The following SZT2 variants were observed in gnomAD, a reference collection of about 807,000 sequenced individuals.
The protein encoded by SZT2 is SZT2 subunit of KICSTOR complex.
SZT2 carries 216 observed loss-of-function variants against 404.2 expected under a neutral mutation model. The ratio of observed to expected loss-of-function variants is 0.53; its 90% confidence interval spans 0.48 to 0.60. The LOEUF (loss-of-function observed/expected upper bound fraction) is 0.60, where lower values mean the gene tolerates loss of function less well. SZT2 is among the 20% of genes least tolerant of loss of function. SZT2 has a pLI of 0.00. For synonymous variants in SZT2, 1,693 were observed against 1,749.9 expected (o/e 0.97, Z 0.81); for missense variants, 3,857 against 4,459.2 (o/e 0.86, Z 3.85).
Position 43,420,805 on chromosome 1 carries a change from G to C in SZT2, c.1318G>C (p.Glu440Gln). 6.3e-7 allele frequency: 1 copy of C among 1,598,480 alleles called. No homozygotes were observed. The highest frequency in any genetic ancestry group is 8.5e-7 in the Non-Finnish European group (1 of 1,179,816). ...GCTGTGGAAACACAACATGCGCATT[G>C]AGTATGTGGCTATGGCACCCTGGCC... ...VLLWKHNMRI[E>Q]YVAMAPWPLE... Residue 440 changes from glutamate to glutamine, a missense_variant, in exon 10 of 72, where the codon GAG (glutamate) becomes CAG (glutamine). Around this residue, in one of 7 missense-constraint regions of SZT2, gnomAD observed 536 missense variants for 637.4 expected, o/e 0.84. Transcript: ENST00000634258. This position sits in a 1 kb window ranked among gnomAD's most constrained non-coding sequence, Gnocchi z 5.1.
chr1:43,434,443 C>A lies in SZT2; in HGVS notation c.5862C>A (p.Leu1954=), dbSNP rs1654252055. ...CTGAGTGTCGCCACCTGCAGCAGCT[C>A]CTGGTGAGGCGAGTTGGGGAGATCT... is the stretch of plus-strand genomic sequence containing the variant. ...PGTECRHLQQ[L]LVRRVGEICR... Residue 1954 remains leucine, a synonymous_variant, in exon 41 of 72, where the codon CTC becomes CTA. Transcript: ENST00000634258. 6.9e-6 allele frequency: 11 copies of A among 1,598,942 alleles called. No homozygotes were observed. Among genetic ancestry groups the A allele is most frequent in the Non-Finnish European group, 9.4e-6 (11 of 1,174,346 alleles).
chr1:43,425,979 G>T lies in SZT2; in HGVS notation c.2929+30G>T, dbSNP rs772374468. Reference sequence around the variant, plus strand: ...GTGGGGCAGGCGGCCCACTGGTGGAGCAGGGGAGTGGGTAGGGTAATCTGC... The same window carrying T: ...GTGGGGCAGGCGGCCCACTGGTGGATCAGGGGAGTGGGTAGGGTAATCTGC... On this transcript the variant is annotated intron_variant, in intron 20 of 71. Transcript: ENST00000634258. This position sits in a 1 kb window ranked among gnomAD's most constrained non-coding sequence, Gnocchi z 4.3. 1.2e-5 allele frequency: 20 copies of T among 1,612,318 alleles called. No homozygotes were observed. Among genetic ancestry groups the T allele is most frequent in the South Asian group, 3.3e-5 (3 of 91,056 alleles).
intron 66 of SZT2, 46 bp from the exon 67 acceptor site, chr1:43,447,499 C>T (rs191667327): frequency 1.3e-6 from 2 of 1,592,254 alleles, no homozygotes; most frequent in East Asian, 2.2e-5. Context: ...ACCAGTGTGT[C>T]TGTCCTAGGC....
intron 4 of SZT2, chr1:43,409,543 T>TA (rs1557522192): frequency 2.0e-5 from 7 of 353,616 alleles, no homozygotes; most frequent in Non-Finnish European, 3.9e-5. Flanking sequence ...CAAAAAACTA[T>TA]TAGAACTGAT....
intron 14 of SZT2, 46 bp from the exon 15 acceptor site, chr1:43,423,053 C>G: frequency 1.3e-6 from 2 of 1,541,042 alleles, no homozygotes; most frequent in Non-Finnish European, 1.7e-6. Flanking sequence ...TCTCCCAGAC[C>G]TGTAGGAGAT....
Position 43,453,772 on chromosome 1 carries a change from C to T in SZT2, c.*3292C>T, listed in dbSNP as rs866699285. On this transcript the variant is annotated 3_prime_UTR_variant, in exon 72 of 72. Coordinates refer to ENST00000634258, the MANE Select transcript of SZT2 (RefSeq NM_001365999.1). ...TCGGGGAATAGCCAGGACAGATTGG[C>T]GGAGAAGCGCAGCGGCGCCATGCCT... The T allele has an allele frequency of 2.3e-6, 3 of 1,292,634 alleles. No individual in the cohort carries two copies. The highest frequency in any genetic ancestry group is 1.5e-5 in the African/African-American group (1 of 64,786). 80.1% of individuals were successfully genotyped at this position (1,292,634 alleles called of 1,614,324 possible).
chr1:43,404,738 G>T, intron 4 of SZT2, 188 bp downstream of exon 4: 1 of 562,446 alleles, frequency 1.8e-6, no homozygotes, highest in Non-Finnish European at 3.0e-6. Context: ...TGGACTTAAA[G>T]GGCTTTCCTA....
At chr1:43,402,600 C>T (rs1649810716) in intron 1 of SZT2, among the ~76,000 whole-genome samples, 1 of 152,134 alleles carries the variant, frequency 6.6e-6, no homozygotes. Context: ...CTTGTTAGAG[C>T]ATTGTTGAAG....
Position 43,447,646 on chromosome 1 carries a change from C to G in SZT2, c.9388C>G (p.Arg3130Gly). 6.2e-7 allele frequency: 1 copy of G among 1,614,200 alleles called. No homozygotes were observed. Among genetic ancestry groups the G allele is most frequent in the South Asian group, 1.1e-5 (1 of 91,082 alleles). Residue 3130 changes from arginine (R) to glycine (G), a missense_variant, in exon 67 of 72, where the codon CGG becomes GGG. Around this residue, in one of 7 missense-constraint regions of SZT2, gnomAD observed 717 missense variants for 868.2 expected, o/e 0.83. Coordinates refer to ENST00000634258, the MANE Select transcript of SZT2 (RefSeq NM_001365999.1). The stretch of plus-strand genomic sequence containing the variant: ...CCACATGAAGCCATTGCGAATGGCC[C>G]GGCCAGGGGGCCCAGAACACAACGA... ...SYHMKPLRMA[R>G]PGGPEHNEYA...
In SZT2 at chr1:43,426,495, T is replaced by C. The variant is rs1405079326; in HGVS notation, c.3171T>C (p.Ala1057=). 1 of 1,595,978 alleles carries C rather than the reference T, an allele frequency of 6.3e-7. No individual in the cohort carries two copies. The highest frequency in any genetic ancestry group is 1.7e-5 in the Admixed American group (1 of 59,740). The part of the protein sequence containing the change: ...REIPLTPVDQ[A]AFLSEVLRRT... ...TCCCACTGACCCCCGTTGACCAGGC[T>C]GCCTTCTTGAGTGAGGTGCTGCGGC... The change falls in exon 22 of 72, where the codon GCT becomes GCC. Residue 1057 remains alanine (A), a synonymous_variant. Coordinates refer to ENST00000634258, the MANE Select transcript of SZT2 (RefSeq NM_001365999.1). This position sits in a 1 kb window ranked among gnomAD's most constrained non-coding sequence, Gnocchi z 4.9.
In SZT2 at chr1:43,448,754, A is replaced by G; in HGVS notation, c.10086+26A>G. 2 of 1,595,582 alleles carry G rather than the reference A, an allele frequency of 1.3e-6. No individual in the cohort carries two copies. The highest frequency in any genetic ancestry group is 1.7e-6 in the Non-Finnish European group (2 of 1,163,334). On this transcript the variant is annotated intron_variant, in intron 70 of 71. Coordinates refer to ENST00000634258, the MANE Select transcript of SZT2 (RefSeq NM_001365999.1). The surrounding 1 kb of genome is among the most constrained non-coding windows in gnomAD (Gnocchi z 4.2). ...GTAAGTCCCCTTGAGCTTCCTCTGAAAAGGGAAACACAGCAGAAATCCTCA... is the reference window on the plus strand; with the variant it reads ...GTAAGTCCCCTTGAGCTTCCTCTGAGAAGGGAAACACAGCAGAAATCCTCA...
rs1656227484 is a variant in SZT2, at chr1:43,450,232, C to T, written c.10155+61C>T. 1.9e-6 allele frequency: 3 copies of T among 1,613,462 alleles called. No homozygotes were observed. The highest frequency in any genetic ancestry group is 1.7e-5 in the Admixed American group (1 of 60,018). On this transcript the variant is annotated intron_variant, in intron 71 of 71. Coordinates refer to ENST00000634258, the MANE Select transcript of SZT2 (RefSeq NM_001365999.1). The surrounding 1 kb of genome is among the most constrained non-coding windows in gnomAD (Gnocchi z 4.3). ...GGGAGGCCGTACCCCAAATGCTCCACCTCGGAGCCTGCTGAGGTTGGGGTG... is the reference window on the plus strand; with the variant it reads ...GGGAGGCCGTACCCCAAATGCTCCATCTCGGAGCCTGCTGAGGTTGGGGTG...
At position 43,450,190 on chromosome 1, in the gene SZT2, C is replaced by T. The variant is rs1342602488; in HGVS notation, c.10155+19C>T. ...AAAGACGGTAAGAACGAGTGGGGGG[C>T]TTTGTGTCAGCCTCATGGGAGGCCG... On this transcript the variant is annotated intron_variant, in intron 71 of 71. Transcript: ENST00000634258. The surrounding 1 kb of genome is among the most constrained non-coding windows in gnomAD (Gnocchi z 4.3). 3.1e-6 allele frequency: 5 copies of T among 1,613,986 alleles called. No individual in the cohort carries two copies. The highest frequency in any genetic ancestry group is 4.2e-6 in the Non-Finnish European group (5 of 1,179,968).
At position 43,450,512 on chromosome 1, in the gene SZT2, TC is replaced by T. The variant is rs754227872; in HGVS notation, c.*34del. On this transcript the variant is annotated 3_prime_UTR_variant, in exon 72 of 72. Coordinates refer to ENST00000634258, the MANE Select transcript of SZT2 (RefSeq NM_001365999.1). This position sits in a 1 kb window ranked among gnomAD's most constrained non-coding sequence, Gnocchi z 4.3. Reference sequence around the variant, plus strand: ...GGACTGGACCACTGAATGTCACTGTTCCTTGAATCATGGGCCTACCAGATTG... The same window carrying T: ...GGACTGGACCACTGAATGTCACTGTTCTTGAATCATGGGCCTACCAGATTG... 11 of 1,612,666 alleles carry T rather than the reference TC, an allele frequency of 6.8e-6. No individual in the cohort carries two copies. The highest frequency in any genetic ancestry group is 3.3e-5 in the Admixed American group (2 of 59,952).
At chr1:43,429,615 C>T (rs1233874124) in intron 28 of SZT2, 88 bp from the exon 29 acceptor site, 16 of 1,550,520 alleles carry the variant, frequency 1.0e-5, no homozygotes, top group Middle Eastern at 1.7e-4. Flanking sequence ...GACAAAAAGG[C>T]TTCCTGTGCT....
chr1:43,453,492 G>A lies in SZT2; in HGVS notation c.*3012G>A, dbSNP rs369407159. The A allele has an allele frequency of 6.4e-7, 1 of 1,553,824 alleles. No individual in the cohort carries two copies. Among genetic ancestry groups the A allele is most frequent in the South Asian group, 1.2e-5 (1 of 84,142 alleles). ...CCCAGCCCCATTTCCCCCTTCTCTT[G>A]GTCTCCTGCAGAGAGAACGGGCCTC... On this transcript the variant is annotated 3_prime_UTR_variant, in exon 72 of 72. Coordinates refer to ENST00000634258, the MANE Select transcript of SZT2 (RefSeq NM_001365999.1).
At chr1:43,407,661 C>T (rs1650478892) in intron 4 of SZT2, among the ~76,000 whole-genome samples, 1 of 151,440 alleles carries the variant, frequency 6.6e-6, no homozygotes, top group Admixed American at 6.6e-5. Flanking sequence ...GAACCTGTCT[C>T]AAAAGAAAAA....
chr1:43,414,790 T>C (rs186610639), intron 4 of SZT2, among the ~76,000 whole-genome samples: 1 of 152,316 alleles, frequency 6.6e-6, no homozygotes, highest in Admixed American at 6.5e-5. Flanking sequence ...AAGCTATTAA[T>C]AGAAGATCTT....
Position 43,415,977 on chromosome 1 carries a change from A to C in SZT2, c.648A>C (p.Pro216=). The C allele has an allele frequency of 6.3e-7, 1 of 1,597,742 alleles. No individual in the cohort carries two copies. Among genetic ancestry groups the C allele is most frequent in the East Asian group, 2.2e-5 (1 of 44,866 alleles). Residue 216 remains proline (P), a synonymous_variant, in exon 6 of 72, where the codon CCA becomes CCC. Coordinates refer to ENST00000634258, the MANE Select transcript of SZT2 (RefSeq NM_001365999.1). ...TGGGGCAGGCAGAAGACCAGTCCCC[A>C]GACTCAGGGGACCTACTGGGCCGGA... ...DPQSQAEDQS[P]DSGDLLGRKV...
Sources: allele counts gnomAD v4.1 joint callset (sites outside exome capture counted in the v4.1 genomes callset), GRCh38; gene constraint gnomAD v4.1.1; regional missense constraint gnomAD v4.1.1; non-coding constraint Gnocchi (gnomAD v3.1); transcripts MANE v1.5; gene names NCBI Gene and HGNC (gene_info 2026-07-23, HGNC 2026-07-21).